SUPT3H: variants seen among roughly 807,000 people sequenced by gnomAD.
The protein encoded by SUPT3H is SPT3 homolog, SAGA and STAGA complex component, also known as transcription initiation protein SPT3 homolog.
In SUPT3H, 44 loss-of-function variants were observed where a neutral mutation model predicts 44.3. That is an observed-to-expected ratio of 0.99 (90% CI 0.78 to 1.28). The LOEUF (loss-of-function observed/expected upper bound fraction) is 1.28, where lower values mean the gene tolerates loss of function less well. Ranked by LOEUF, SUPT3H falls within the 50% of genes most tolerant of loss-of-function variation. The pLI is 0.00. For synonymous variants in SUPT3H, 124 were observed against 125.6 expected (o/e 0.99, Z 0.09); for missense variants, 380 against 387.1 (o/e 0.98, Z 0.15).
intron 9 of SUPT3H, among the ~76,000 whole-genome samples, chr6:44,942,275 T>C (rs1772569951): frequency 6.6e-6 from 1 of 151,908 alleles, no homozygotes; most frequent in Non-Finnish European, 1.5e-5. Flanking sequence ...CTGAAATTCT[T>C]ACAAACTTTG....
At chr6:45,007,846 C>T (rs1452037131) in intron 5 of SUPT3H, among the ~76,000 whole-genome samples, 1 of 151,446 alleles carries the variant, frequency 6.6e-6, no homozygotes, top group African/African-American at 2.4e-5. Context: ...TCTCAATCTT[C>T]CCCTCCACCA....
In SUPT3H at chr6:45,196,070, T is replaced by C. The variant is rs1324816263; in HGVS notation, c.102-90064A>G. 2.6e-5 allele frequency among the ~76,000 whole-genome samples: 4 copies of C among 152,116 alleles called. No homozygotes were observed. In the South Asian group the frequency reaches 8.3e-4, roughly 31 times the overall value. ...GCACGCTAAAAATATATTTCACATC[T>C]ATCAAAATATACTTTTAGTTTAATT... On this transcript the variant is annotated intron_variant, in intron 2 of 10. Coordinates refer to ENST00000371459, the MANE Select transcript of SUPT3H (RefSeq NM_003599.4).
intron 9 of SUPT3H, among the ~76,000 whole-genome samples, chr6:44,937,264 G>C (rs1771598743): frequency 6.6e-6 from 1 of 151,972 alleles, no homozygotes; most frequent in African/African-American, 2.4e-5. Context: ...GGCCGAGGCA[G>C]GTGGATCACT....
intron 2 of SUPT3H, among the ~76,000 whole-genome samples, chr6:45,302,075 G>A (rs908108190): frequency 6.6e-6 from 1 of 152,158 alleles, no homozygotes. Context: ...AGTCCCCTCT[G>A]CGTCAATTGT....
intron 2 of SUPT3H, among the ~76,000 whole-genome samples, chr6:45,212,481 ATGTGTGTGTGTGTGTGTGTGTGTGTGTG>A (rs11269206): frequency 8.7e-4 from 38 of 43,454 alleles, no homozygotes; most frequent in South Asian, 2.1e-3. Context: ...CACCTCCACT[ATGTGTGTGTGTGTGTGTGTGTGTGTGTG>A]TGTGTGTGTG....
chr6:45,158,934 G>T (rs1244411125), intron 2 of SUPT3H: 2 of 152,134 alleles, frequency 1.3e-5, no homozygotes, highest in Non-Finnish European at 2.9e-5. Flanking sequence ...AGAGCAAAAG[G>T]ACTCAAATCC....
At chr6:45,239,948 C>T (rs1012566029) in intron 2 of SUPT3H, among the ~76,000 whole-genome samples, 1 of 152,176 alleles carries the variant, frequency 6.6e-6, no homozygotes, top group Non-Finnish European at 1.5e-5. Context: ...TGCCTAAAGG[C>T]CAGATGCTAT....
chr6:45,192,271 T>C (rs999598891), intron 2 of SUPT3H, among the ~76,000 whole-genome samples: 1 of 152,096 alleles, frequency 6.6e-6, no homozygotes, highest in Non-Finnish European at 1.5e-5. Flanking sequence ...AATATAGATT[T>C]TGCAAGGGGA....
intron 2 of SUPT3H, among the ~76,000 whole-genome samples, chr6:45,174,531 GA>G (rs1270535194): frequency 1.3e-5 from 2 of 152,088 alleles, no homozygotes; most frequent in Admixed American, 6.5e-5. Flanking sequence ...GTGAATAAGA[GA>G]AAAATTGGGC....
At chr6:44,935,511 C>T (rs10948186) in intron 9 of SUPT3H, among the ~76,000 whole-genome samples, 62,523 of 151,930 alleles carry the variant, frequency 0.41, 13,207 homozygotes, top group East Asian at 0.7. Flanking sequence ...ATACTGAGTC[C>T]TGTTTATAGA....
At chr6:45,063,253 G>A (rs1792514144) in intron 3 of SUPT3H, among the ~76,000 whole-genome samples, 2 of 145,880 alleles carry the variant, frequency 1.4e-5, no homozygotes, top group Admixed American at 1.4e-4. Context: ...TGAGGGTCCT[G>A]TCTGTTAGAA....
chr6:45,318,081 T>C (rs1384079848), intron 2 of SUPT3H, among the ~76,000 whole-genome samples: 1 of 152,130 alleles, frequency 6.6e-6, no homozygotes, highest in African/African-American at 2.4e-5. Flanking sequence ...ACTTGCAGGA[T>C]TGGGAGTCAA....
At chr6:45,097,320 A>C (rs756814085) in intron 3 of SUPT3H, among the ~76,000 whole-genome samples, 9 of 152,212 alleles carry the variant, frequency 5.9e-5, no homozygotes, top group Admixed American at 2.0e-4. Context: ...CACAAGTGTC[A>C]AGCCCAGCTG....
intron 2 of SUPT3H, among the ~76,000 whole-genome samples, chr6:45,233,170 G>A (rs775461369): frequency 6.6e-6 from 1 of 152,172 alleles, no homozygotes; most frequent in Non-Finnish European, 1.5e-5. Context: ...CCTTACTCCA[G>A]GGATTAGTAC....
At chr6:44,931,083 A>C (rs544394529) in intron 10 of SUPT3H, among the ~76,000 whole-genome samples, 1 of 152,328 alleles carries the variant, frequency 6.6e-6, no homozygotes, top group East Asian at 1.9e-4. Context: ...AAAAACTTTG[A>C]AGAGAGAAGC....
At chr6:45,111,850 T>A (rs1248643926) in intron 2 of SUPT3H, among the ~76,000 whole-genome samples, 1 of 151,566 alleles carries the variant, frequency 6.6e-6, no homozygotes, top group Non-Finnish European at 1.5e-5. Flanking sequence ...CAGCCAGAGA[T>A]TTGAGCTCAG....
At chr6:44,994,566 T>G (rs1032317303) in intron 6 of SUPT3H, among the ~76,000 whole-genome samples, 4 of 152,044 alleles carry the variant, frequency 2.6e-5, no homozygotes, top group African/African-American at 9.7e-5. Context: ...GCATACAGCT[T>G]AGGGTAAGCC....
chr6:44,941,584 A>AAAT (rs1772442747), intron 9 of SUPT3H, among the ~76,000 whole-genome samples: 1 of 152,184 alleles, frequency 6.6e-6, no homozygotes, highest in South Asian at 2.1e-4. Context: ...TTTAAGGAAA[A>AAAT]AATAATAGAG....
chr6:44,923,758 T>C (rs1288230347), intron 10 of SUPT3H, among the ~76,000 whole-genome samples: 1 of 152,018 alleles, frequency 6.6e-6, no homozygotes, highest in African/African-American at 2.4e-5. Flanking sequence ...AGGTAAGATA[T>C]TGCTGCAGAG....
Sources: allele counts gnomAD v4.1 joint callset (sites outside exome capture counted in the v4.1 genomes callset), GRCh38; gene constraint gnomAD v4.1.1; transcripts MANE v1.5; gene names NCBI Gene and HGNC (gene_info 2026-07-23, HGNC 2026-07-21).